Variants in C2orf69 observed in about 807,000 individuals in gnomAD.
C2orf69 encodes the protein chromosome 2 open reading frame 69, also known as mitochondrial protein C2orf69.
In C2orf69, 19 loss-of-function variants were observed where a neutral mutation model predicts 29.5. That is an observed-to-expected ratio of 0.65 (90% confidence interval 0.45 to 0.95). C2orf69 has a LOEUF of 0.95. Ranked by LOEUF, C2orf69 falls within the 40% of genes least tolerant of loss-of-function variation. C2orf69 has a pLI of 0.00. For synonymous variants in C2orf69, 194 were observed against 180.0 expected, an observed-to-expected ratio of 1.08 and a Z score of -0.62; for missense variants, 416 against 482.1, an observed-to-expected ratio of 0.86 and a Z score of 1.28.
At chr2:199,918,847 A>G (rs2077303118) in intron 1 of C2orf69, among the ~76,000 whole-genome samples, 1 of 152,038 alleles carries the variant, frequency 6.6e-6, no homozygotes, top group Non-Finnish European at 1.5e-5. Flanking sequence ...TTTTTCTAGA[A>G]TTTTGTTAAT....
At chr2:199,915,559 T>C (rs1574779977) in intron 1 of C2orf69, among the ~76,000 whole-genome samples, 1 of 151,324 alleles carries the variant, frequency 6.6e-6, no homozygotes, top group African/African-American at 2.4e-5. Flanking sequence ...CAGGCTGGAG[T>C]GCAGTGGCGT....
At chr2:199,913,548 A>T (rs1559292529) in intron 1 of C2orf69, among the ~76,000 whole-genome samples, 1 of 127,118 alleles carries the variant, frequency 7.9e-6, no homozygotes, top group Non-Finnish European at 1.6e-5. Flanking sequence ...ATATATATAA[A>T]ATATATATAT....
chr2:199,925,435 G>C lies in C2orf69; in HGVS notation c.707G>C (p.Arg236Thr), dbSNP rs920328523. 1.2e-6 allele frequency: 2 copies of C among 1,613,808 alleles called. No individual in the cohort carries two copies. The highest frequency in any genetic ancestry group is 1.7e-6 in the Non-Finnish European group (2 of 1,179,852). The stretch of plus-strand genomic sequence containing the variant: ...AATGGTTGCCAGGGAGAAAAAGTGA[G>C]GACCTGTGAAAAATCTGATGAGTCT... ...TTNGCQGEKV[R>T]TCEKSDESAM... is the part of the protein sequence containing the mutation. The change falls in exon 2 of 2, where the codon AGG (arginine) becomes ACG (threonine). Residue 236 changes from arginine (R) to threonine (T), a missense_variant. By Grantham distance (71) the Arg-to-Thr change is moderately conservative. Around this residue, in one of 4 missense-constraint regions of C2orf69, gnomAD observed 225 missense variants for 307.3 expected, o/e 0.73. Coordinates refer to ENST00000319974, the MANE Select transcript of C2orf69 (RefSeq NM_153689.6). This position sits in a 1 kb window ranked among gnomAD's most constrained non-coding sequence, Gnocchi z 4.9.
chr2:199,927,308 T>TAAAAAAAAAA lies in C2orf69; in HGVS notation c.*1433_*1442dup, dbSNP rs57970244. On this transcript the variant is annotated 3_prime_UTR_variant, in exon 2 of 2. Coordinates refer to ENST00000319974, the MANE Select transcript of C2orf69 (RefSeq NM_153689.6). Reference sequence around the variant, plus strand: ...GGGAAGTAACATGCTGCTTTAGGACTAAAAAAAAAAAAAAAAAAAAGACAC... The same window carrying TAAAAAAAAAA: ...GGGAAGTAACATGCTGCTTTAGGACTAAAAAAAAAAAAAAAAAAAAAAAAAAAAAAGACAC... The TAAAAAAAAAA allele has an allele frequency of 1.7e-5, 2 of 115,502 alleles. No individual in the cohort carries two copies. The highest frequency in any genetic ancestry group is 3.2e-5 in the African/African-American group (1 of 31,210). 7.2% of individuals were successfully genotyped at this position (115,502 alleles called of 1,614,324 possible).
intron 1 of C2orf69, among the ~76,000 whole-genome samples, chr2:199,921,382 A>G (rs1049884319): frequency 6.6e-6 from 1 of 152,160 alleles, no homozygotes; most frequent in Non-Finnish European, 1.5e-5. Flanking sequence ...ATTGAACATC[A>G]TAGTGGGAAA....
chr2:199,922,166 G>C (rs2077319439), intron 1 of C2orf69, among the ~76,000 whole-genome samples: 1 of 150,960 alleles, frequency 6.6e-6, no homozygotes, highest in African/African-American at 2.4e-5. Flanking sequence ...CAAAATCTCA[G>C]CTCACAGCAA....
chr2:199,912,382 C>G (rs1476203554), intron 1 of C2orf69, among the ~76,000 whole-genome samples: 1 of 151,972 alleles, frequency 6.6e-6, no homozygotes, highest in Non-Finnish European at 1.5e-5. Flanking sequence ...GTTATGTTGC[C>G]CTGAAAACTG....
intron 1 of C2orf69, among the ~76,000 whole-genome samples, chr2:199,912,662 A>G (rs2077270000): frequency 6.6e-6 from 1 of 152,034 alleles, no homozygotes; most frequent in Admixed American, 6.6e-5. Context: ...TTTTTTTGAG[A>G]CGGAGTCTTG....
At chr2:199,912,784 G>A (rs547997189) in intron 1 of C2orf69, among the ~76,000 whole-genome samples, 1 of 152,172 alleles carries the variant, frequency 6.6e-6, no homozygotes, top group East Asian at 1.9e-4. Flanking sequence ...GGGATTACAG[G>A]CATGCGCTAC....
Position 199,927,135 on chromosome 2 carries a change from C to T in C2orf69, c.*1249C>T, listed in dbSNP as rs181560372. 1.3e-5 allele frequency: 2 copies of T among 152,108 alleles called. No individual in the cohort carries two copies. Among genetic ancestry groups the T allele is most frequent in the East Asian group, 1.9e-4 (1 of 5,186 alleles). 9.4% of individuals were successfully genotyped at this position (152,108 alleles called of 1,614,324 possible). On this transcript the variant is annotated 3_prime_UTR_variant, in exon 2 of 2. Coordinates refer to ENST00000319974, the MANE Select transcript of C2orf69 (RefSeq NM_153689.6). ...AATTTGGGTGAAGTTTCCTTCTGCCCGTTTTTCTTGACCTAGATAAATACA... is the reference window on the plus strand; with the variant it reads ...AATTTGGGTGAAGTTTCCTTCTGCCTGTTTTTCTTGACCTAGATAAATACA...
intron 1 of C2orf69, among the ~76,000 whole-genome samples, chr2:199,915,454 A>G (rs1329279483): frequency 6.6e-6 from 1 of 151,774 alleles, no homozygotes; most frequent in Non-Finnish European, 1.5e-5. Context: ...GAAATATTGA[A>G]CAGAATAGGG....
At position 199,917,311 on chromosome 2, in the gene C2orf69, C is replaced by G. The variant is rs1038230743; in HGVS notation, c.333+5540C>G. On this transcript the variant is annotated intron_variant, in intron 1 of 1. Transcript: ENST00000319974. Reference sequence around the variant, plus strand: ...TGACATGCCCTGGAGACATTTTTCCCATTATCTTGGTGATGAACATTTGGC... The same window carrying G: ...TGACATGCCCTGGAGACATTTTTCCGATTATCTTGGTGATGAACATTTGGC... Among the ~76,000 whole-genome samples, 3 of 152,212 alleles carry G rather than the reference C, an allele frequency of 2.0e-5. No individual in the cohort carries two copies. In the South Asian group the frequency reaches 6.2e-4, roughly 31 times the overall value.
At chr2:199,918,702 A>C (rs1044303180) in intron 1 of C2orf69, among the ~76,000 whole-genome samples, 1 of 151,996 alleles carries the variant, frequency 6.6e-6, no homozygotes, top group Non-Finnish European at 1.5e-5. Flanking sequence ...GAATTTTGAC[A>C]AGTGTTGGAA....
intron 1 of C2orf69, among the ~76,000 whole-genome samples, chr2:199,914,163 T>C (rs1011636897): frequency 5.9e-5 from 9 of 152,212 alleles, no homozygotes; most frequent in African/African-American, 1.9e-4. Context: ...CCATGTTTCC[T>C]CTGTCTGTGT....
chr2:199,922,162 C>G (rs2077319418), intron 1 of C2orf69, among the ~76,000 whole-genome samples: 1 of 151,178 alleles, frequency 6.6e-6, no homozygotes, highest in African/African-American at 2.4e-5. Context: ...GTGGCAAAAT[C>G]TCAGCTCACA....
intron 1 of C2orf69, among the ~76,000 whole-genome samples, chr2:199,917,341 C>T: frequency 6.6e-6 from 1 of 152,156 alleles, no homozygotes; most frequent in East Asian, 1.9e-4. Flanking sequence ...TTTGGCTCCT[C>T]GTTACTTATG....
chr2:199,919,332 A>G (rs76654090), intron 1 of C2orf69, among the ~76,000 whole-genome samples: 6 of 152,336 alleles, frequency 3.9e-5, no homozygotes, highest in African/African-American at 1.4e-4. Flanking sequence ...AGCAGTTCAT[A>G]AACATTTGAG....
At position 199,927,466 on chromosome 2, in the gene C2orf69, T is replaced by C. The variant is rs2077340270; in HGVS notation, c.*1580T>C. The C allele has an allele frequency of 6.6e-6, 1 of 151,970 alleles. No homozygotes were observed. The highest frequency in any genetic ancestry group is 6.6e-5 in the Admixed American group (1 of 15,264). The allele number at this position is 151,970 out of a possible 1,614,324, so 9.4% of individuals were successfully genotyped here. The stretch of plus-strand genomic sequence containing the variant: ...TAAATACATTCCAAATATTCAGAGA[T>C]TCATGAGAAAGGATTCTTAACAAAT... On this transcript the variant is annotated 3_prime_UTR_variant, in exon 2 of 2. Coordinates refer to ENST00000319974, the MANE Select transcript of C2orf69 (RefSeq NM_153689.6).
At chr2:199,922,443 T>C (rs116378534) in intron 1 of C2orf69, among the ~76,000 whole-genome samples, 2,945 of 152,302 alleles carry the variant, frequency 0.019, 39 homozygotes, top group Middle Eastern at 0.044. Context: ...CTGGATTTTT[T>C]AGTCCTTATT....
Sources: gnomAD v4.1 joint callset for allele counts (sites outside exome capture counted in the v4.1 genomes callset) on GRCh38, gnomAD v4.1.1 for gene constraint, gnomAD v4.1.1 regional missense constraint, Gnocchi (gnomAD v3.1) non-coding constraint, MANE v1.5 for transcripts, NCBI Gene and HGNC (gene_info 2026-07-23, HGNC 2026-07-21) for gene names.